Variants in ABI3BP observed in about 807,000 individuals in gnomAD.
ABI3BP encodes the protein target of Nesh-SH3.
In ABI3BP, 216 loss-of-function variants were observed where a neutral mutation model predicts 268.6. The ratio of observed to expected loss-of-function variants is 0.80; its 90% CI spans 0.72 to 0.90. ABI3BP has a LOEUF of 0.90. ABI3BP is among the 40% of genes least tolerant of loss of function. ABI3BP has a pLI of 0.00. For synonymous variants in ABI3BP, 730 were observed against 730.0 expected, an observed-to-expected ratio of 1.00 and a Z score of 0.00; for missense variants, 2,090 against 2,182.4, an observed-to-expected ratio of 0.96 and a Z score of 0.84.
rs555075821 is a variant in ABI3BP, at chr3:100,926,997, G to A, written c.80-516C>T. ...ATGCTGGAAGGCAGAGAACGGTTGA[G>A]GAGGAAAATGATTAGTTCCATTGGG... On this transcript the variant is annotated intron_variant, in intron 1 of 67. Coordinates refer to ENST00000471714, the MANE Select transcript of ABI3BP (RefSeq NM_001375547.2). Among the ~76,000 whole-genome samples, 7 of 152,250 alleles carry A rather than the reference G, an allele frequency of 4.6e-5. No homozygotes were observed. In the East Asian group the frequency reaches 1.4e-3, roughly 29 times the overall value.
intron 2 of ABI3BP, among the ~76,000 whole-genome samples, chr3:100,924,417 T>G (rs2061201779): frequency 6.6e-6 from 1 of 152,172 alleles, no homozygotes. Flanking sequence ...TTAAAAATAT[T>G]TTTTATCTGT....
intron 26 of ABI3BP, 120 bp from the exon 27 acceptor site, chr3:100,837,291 T>C (rs2098608894): frequency 1.5e-6 from 1 of 687,070 alleles, no homozygotes; most frequent in South Asian, 2.9e-5. Context: ...TTAATATAAA[T>C]TGCCTTCTTG....
chr3:100,985,233 T>C (rs1434084040), intron 1 of ABI3BP, among the ~76,000 whole-genome samples: 2 of 139,002 alleles, frequency 1.4e-5, no homozygotes, highest in South Asian at 2.4e-4. Flanking sequence ...CACTGTCACC[T>C]CTGCCTCCCG....
chr3:100,897,424 G>A (rs1286768790), intron 4 of ABI3BP, among the ~76,000 whole-genome samples: 1 of 151,968 alleles, frequency 6.6e-6, no homozygotes, highest in Admixed American at 6.6e-5. Context: ...CATAATTCAG[G>A]TGCTCATTAG....
intron 1 of ABI3BP, among the ~76,000 whole-genome samples, chr3:100,938,090 A>C (rs1470632787): frequency 6.6e-6 from 1 of 152,060 alleles, no homozygotes; most frequent in Non-Finnish European, 1.5e-5. Flanking sequence ...GTGGGGGCTA[A>C]ACGATGAGAA....
chr3:100,926,848 G>A lies in ABI3BP; in HGVS notation c.80-367C>T, dbSNP rs546291015. 3.1e-4 allele frequency among the ~76,000 whole-genome samples: 47 copies of A among 152,028 alleles called. 1 individual carries two copies. The highest frequency in any genetic ancestry group is 4.9e-4 in the Non-Finnish European group (33 of 67,994). ...AATTGAATTACTACAGCTCAAAAAC[G>A]CCCAGCCTCCTTTATGAGGCTTTCC... On this transcript the variant is annotated intron_variant, in intron 1 of 67. Coordinates refer to ENST00000471714, the MANE Select transcript of ABI3BP (RefSeq NM_001375547.2).
intron 1 of ABI3BP, among the ~76,000 whole-genome samples, chr3:100,988,396 T>C (rs1379771514): frequency 2.6e-5 from 4 of 152,150 alleles, no homozygotes; most frequent in Non-Finnish European, 5.9e-5. Flanking sequence ...ACATCTTGTA[T>C]GGTTTTTTTC....
chr3:100,753,559 T>A (rs1290127571), intron 65 of ABI3BP, among the ~76,000 whole-genome samples: 5 of 152,188 alleles, frequency 3.3e-5, no homozygotes, highest in Non-Finnish European at 5.9e-5. Context: ...CTCAGAGTGC[T>A]GGGATTACAC....
At chr3:100,813,594 C>G (rs2097918532) in intron 45 of ABI3BP, 67 bp downstream of exon 45, 1 of 1,210,452 alleles carries the variant, frequency 8.3e-7, no homozygotes, top group Non-Finnish European at 1.2e-6. Context: ...GGAAATATAA[C>G]TTAGAGAATT....
intron 39 of ABI3BP, among the ~76,000 whole-genome samples, chr3:100,820,585 G>A (rs1482644620): frequency 6.6e-6 from 1 of 152,204 alleles, no homozygotes; most frequent in Non-Finnish European, 1.5e-5. Context: ...AAATATAGTG[G>A]TGGTGGTCAG....
intron 16 of ABI3BP, 146 bp from the exon 17 acceptor site, chr3:100,850,265 T>C (rs2098822704): frequency 2.7e-6 from 2 of 731,184 alleles, no homozygotes; most frequent in African/African-American, 3.6e-5. Context: ...TGAAAGCTAG[T>C]GAATAAAATT....
intron 50 of ABI3BP, among the ~76,000 whole-genome samples, chr3:100,806,694 T>C (rs2097716790): frequency 6.6e-6 from 1 of 152,072 alleles, no homozygotes; most frequent in Non-Finnish European, 1.5e-5. Context: ...TGGAAGTTGC[T>C]TCAATCGGGA....
intron 1 of ABI3BP, among the ~76,000 whole-genome samples, chr3:100,964,425 G>A (rs1424008947): frequency 1.3e-5 from 2 of 152,128 alleles, no homozygotes; most frequent in Non-Finnish European, 2.9e-5. Context: ...CCGCCAGCCG[G>A]TCCTTTCTGC....
chr3:100,753,736 C>A, intron 65 of ABI3BP, 83 bp downstream of exon 65: 1 of 1,502,288 alleles, frequency 6.7e-7, no homozygotes, highest in South Asian at 1.2e-5. Flanking sequence ...AACGCGAAAT[C>A]ATGATTCAGA....
chr3:100,832,135 C>G (rs547474152), intron 31 of ABI3BP, 129 bp downstream of exon 31: 1 of 796,758 alleles, frequency 1.3e-6, no homozygotes, highest in East Asian at 2.7e-5. Flanking sequence ...ATGTTCTCCT[C>G]ACTAACCAGT....
intron 1 of ABI3BP, among the ~76,000 whole-genome samples, chr3:100,930,137 G>A (rs1006796537): frequency 1.3e-5 from 2 of 151,734 alleles, no homozygotes; most frequent in Non-Finnish European, 2.9e-5. Context: ...CTTAAGGTAG[G>A]GATCATAGAA....
intron 62 of ABI3BP, among the ~76,000 whole-genome samples, chr3:100,768,764 G>A (rs2096430273): frequency 6.6e-6 from 1 of 152,178 alleles, no homozygotes; most frequent in Admixed American, 6.5e-5. Flanking sequence ...CACAAGTTGA[G>A]TATCTAAAAT....
intron 55 of ABI3BP, among the ~76,000 whole-genome samples, chr3:100,791,677 TTAAATGAAG>T (rs2097201244): frequency 6.6e-6 from 1 of 151,696 alleles, no homozygotes; most frequent in South Asian, 2.1e-4. Flanking sequence ...CAAATAAAAA[TTAAATGAAG>T]TAATTGAATA....
At chr3:100,765,629 C>T (rs761534654) in intron 63 of ABI3BP, among the ~76,000 whole-genome samples, 1 of 152,242 alleles carries the variant, frequency 6.6e-6, no homozygotes, top group African/African-American at 2.4e-5. Context: ...ATTAACAAGA[C>T]CACCTTGTCA....
Sources: allele counts gnomAD v4.1 joint callset (sites outside exome capture counted in the v4.1 genomes callset), GRCh38; gene constraint gnomAD v4.1.1; transcripts MANE v1.5; gene names NCBI Gene and HGNC (gene_info 2026-07-23, HGNC 2026-07-21).